The following HFM1 variants were observed in gnomAD, a reference collection of about 807,000 sequenced individuals.
HFM1 encodes probable ATP-dependent DNA helicase HFM1.
HFM1 carries 169 observed loss-of-function variants against 192.1 expected under a neutral mutation model. The ratio of observed to expected loss-of-function variants is 0.88; its 90% CI spans 0.78 to 1.00. The LOEUF (loss-of-function observed/expected upper bound fraction) is 1.00. HFM1 is among the 50% of genes least tolerant of loss of function. The probability of loss-of-function intolerance (pLI) is 0.00; values close to 1 mark genes in which losing one functional copy is unlikely to be tolerated. For synonymous variants in HFM1, 525 were observed against 537.8 expected (o/e 0.98, Z 0.33); for missense variants, 1,661 against 1,668.0 (o/e 1.00, Z 0.07).
At chr1:91,347,872 C>T (rs1571044130) in intron 18 of HFM1, among the ~76,000 whole-genome samples, 3 of 152,230 alleles carry the variant, frequency 2.0e-5, no homozygotes, top group Admixed American at 2.0e-4. Flanking sequence ...CACAGATATA[C>T]ATATACATGT....
chr1:91,404,476 A>C (rs1282403791), intron 1 of HFM1: 1 of 201,600 alleles, frequency 5.0e-6, no homozygotes, highest in Non-Finnish European at 1.0e-5. Context: ...AGACACAGGA[A>C]CCGAACACCA....
intron 4 of HFM1, among the ~76,000 whole-genome samples, chr1:91,392,297 C>T (rs1345294223): frequency 6.6e-6 from 1 of 152,102 alleles, no homozygotes; most frequent in African/African-American, 2.4e-5. Flanking sequence ...CACGTGCACA[C>T]GTATGTTTAT....
Position 91,272,373 on chromosome 1 carries a change from TA to T in HFM1, c.3772+1338del, listed in dbSNP as rs113754966. 4.8e-4 allele frequency among the ~76,000 whole-genome samples: 72 copies of T among 148,800 alleles called. No homozygotes were observed. The East Asian group carries it at 6.5e-3, about 13-fold the overall frequency. ...ACTACTATACCATGCAGCAACTTCT[TA>T]AAAAAAAAATGGCCCACTCAGTAAA... On this transcript the variant is annotated intron_variant, in intron 34 of 38. Transcript: ENST00000370425.
chr1:91,314,792 A>G lies in HFM1; in HGVS notation c.3141-732T>C, dbSNP rs112925145. 2.3e-3 allele frequency among the ~76,000 whole-genome samples: 353 copies of G among 152,332 alleles called. 1 individual carries two copies. Among genetic ancestry groups the G allele is most frequent in the African/African-American group, 8.0e-3 (332 of 41,584 alleles). On this transcript the variant is annotated intron_variant, in intron 28 of 38. Transcript: ENST00000370425. ...TTATGACTAAACTTATTTTAGTCTC[A>G]TGTAGTCATAGACTTATTAGTCACA...
At chr1:91,306,173 A>G (rs1401942925) in intron 30 of HFM1, among the ~76,000 whole-genome samples, 1 of 151,986 alleles carries the variant, frequency 6.6e-6, no homozygotes, top group Non-Finnish European at 1.5e-5. Context: ...ATCTCTACTA[A>G]AAATACAAAA....
In HFM1 at chr1:91,340,138, C is replaced by T. The variant is rs989966883; in HGVS notation, c.2335+3292G>A. On this transcript the variant is annotated intron_variant, in intron 20 of 38. Coordinates refer to ENST00000370425, the MANE Select transcript of HFM1 (RefSeq NM_001017975.6). ...CTGCCACCTCAGCATCCTAAGTAGCCGGGACTATAGACACATGCCATCATG... is the reference window on the plus strand; with the variant it reads ...CTGCCACCTCAGCATCCTAAGTAGCTGGGACTATAGACACATGCCATCATG... Among the ~76,000 whole-genome samples the T allele has an allele frequency of 2.5e-4, 38 of 151,980 alleles. 1 individual carries two copies. The highest frequency in any genetic ancestry group is 8.7e-4 in the African/African-American group (36 of 41,376).
At chr1:91,376,277 A>T (rs1435212365) in intron 11 of HFM1, among the ~76,000 whole-genome samples, 1 of 152,052 alleles carries the variant, frequency 6.6e-6, no homozygotes, top group African/African-American at 2.4e-5. Context: ...TTATCTTTAC[A>T]TAGCCCAGTT....
intron 13 of HFM1, among the ~76,000 whole-genome samples, chr1:91,360,971 G>A (rs1317356511): frequency 1.3e-5 from 2 of 152,246 alleles, no homozygotes; most frequent in East Asian, 3.9e-4. Context: ...AATTAAGGCA[G>A]AAATCAAGAA....
intron 20 of HFM1, among the ~76,000 whole-genome samples, chr1:91,330,962 C>A (rs1001037188): frequency 1.3e-5 from 2 of 152,124 alleles, no homozygotes; most frequent in African/African-American, 4.8e-5. Context: ...TAAATACCCT[C>A]AAAAAGCTGG....
At chr1:91,402,310 C>T (rs1369592111) in intron 1 of HFM1, among the ~76,000 whole-genome samples, 1 of 152,118 alleles carries the variant, frequency 6.6e-6, no homozygotes, top group African/African-American at 2.4e-5. Context: ...GAGAACTAAA[C>T]CTGTATATAT....
In HFM1 at chr1:91,380,949, G is replaced by C. The variant is rs983887227; in HGVS notation, c.836C>G (p.Pro279Arg). 6.9e-7 allele frequency: 1 copy of C among 1,456,848 alleles called. No individual in the cohort carries two copies. Among genetic ancestry groups the C allele is most frequent in the African/African-American group, 1.4e-5 (1 of 71,446 alleles). The allele number at this position is 1,456,848 out of a possible 1,614,324, so 90.2% of individuals were successfully genotyped here. ...CTTGGACTGTATATAGTTGAAATATGGAAATTCTTTGAAAATACTTCTAAA... is the reference window on the plus strand; with the variant it reads ...CTTGGACTGTATATAGTTGAAATATCGAAATTCTTTGAAAATACTTCTAAA... ...AKFRSIFKEF[P>R]YFNYIQSKAF... Residue 279 changes from proline (P) to arginine (R), a missense_variant, in exon 7 of 39, where the codon CCA becomes CGA. Pro to Arg is a moderately radical substitution (Grantham distance 103). Transcript: ENST00000370425.
At chr1:91,307,521 C>G (rs1649807596) in intron 30 of HFM1, among the ~76,000 whole-genome samples, 1 of 151,998 alleles carries the variant, frequency 6.6e-6, no homozygotes, top group Non-Finnish European at 1.5e-5. Flanking sequence ...AGTGTGATCT[C>G]AGCTCACTGC....
At chr1:91,373,140 T>C (rs1261001716) in intron 13 of HFM1, among the ~76,000 whole-genome samples, 1 of 33,570 alleles carries the variant, frequency 3.0e-5, no homozygotes, top group East Asian at 8.9e-4. Context: ...TCTACCTTTT[T>C]AGTGGATTAA....
At chr1:91,319,245 C>A (rs1404705754) in intron 24 of HFM1, 36 bp from the exon 25 acceptor site, 1 of 1,604,164 alleles carries the variant, frequency 6.2e-7, no homozygotes, top group Non-Finnish European at 8.5e-7. Context: ...ATCTAATATA[C>A]CAGTTTATTG....
In HFM1 at chr1:91,315,837, C is replaced by G. The variant is rs1445636825; in HGVS notation, c.3118G>C (p.Val1040Leu). 6.2e-7 allele frequency: 1 copy of G among 1,609,688 alleles called. No individual in the cohort carries two copies. Among genetic ancestry groups the G allele is most frequent in the South Asian group, 1.1e-5 (1 of 90,568 alleles). Reference sequence around the variant, plus strand: ...TACGTAATCTTGTGCAGATAAACTACTTGATTATCTGCGTCACCTATGATT... The same window carrying G: ...TACGTAATCTTGTGCAGATAAACTAGTTGATTATCTGCGTCACCTATGATT... ...TLIIGDADNQ[V>L]VYLHKITDSV... Residue 1040 changes from valine (V) to leucine (L), a missense_variant, in exon 28 of 39, where the codon GTA becomes CTA. Coordinates refer to ENST00000370425, the MANE Select transcript of HFM1 (RefSeq NM_001017975.6).
chr1:91,278,396 G>A (rs1667152248), intron 30 of HFM1, among the ~76,000 whole-genome samples: 2 of 152,092 alleles, frequency 1.3e-5, no homozygotes, highest in South Asian at 4.1e-4. Flanking sequence ...GTCCTTGAAG[G>A]ACAGATGGAA....
intron 20 of HFM1, chr1:91,328,751 G>C: frequency 6.2e-7 from 1 of 1,610,632 alleles, no homozygotes; most frequent in Non-Finnish European, 8.5e-7. Flanking sequence ...GCAGGTGGTG[G>C]AAAAATTCAC....
intron 20 of HFM1, among the ~76,000 whole-genome samples, chr1:91,338,082 G>A (rs1412245191): frequency 1.3e-5 from 2 of 152,190 alleles, no homozygotes; most frequent in African/African-American, 4.8e-5. Flanking sequence ...GGCTCCTGGG[G>A]AAGGGTGAGT....
intron 20 of HFM1, chr1:91,329,358 CTGAG>C (rs1557859317): frequency 1.3e-6 from 2 of 1,599,662 alleles, no homozygotes; most frequent in Non-Finnish European, 8.5e-7. Flanking sequence ...GGTCAAGAGG[CTGAG>C]TAAGAGTCAT....
Sources: allele counts gnomAD v4.1 joint callset (sites outside exome capture counted in the v4.1 genomes callset), GRCh38; gene constraint gnomAD v4.1.1; transcripts MANE v1.5; gene names NCBI Gene and HGNC (gene_info 2026-07-23, HGNC 2026-07-21).